Variants in FSD1L observed in about 807,000 individuals in gnomAD.
The protein encoded by FSD1L is fibronectin type III and SPRY domain containing 1 like, also known as FSD1-like protein.
FSD1L carries 45 observed loss-of-function variants against 71.6 expected under a neutral mutation model. That is an observed-to-expected ratio of 0.63 (90% confidence interval 0.49 to 0.81). FSD1L has a LOEUF of 0.81. Among genes scored for constraint, FSD1L ranks in the 30% least tolerant of loss-of-function variants. FSD1L has a pLI of 0.00. For missense variants in FSD1L, 561 were observed against 618.1 expected (o/e 0.91, Z 0.98); for synonymous variants, 197 against 207.2 (o/e 0.95, Z 0.42).
chr9:105,529,894 G>A (rs1211985605), intron 10 of FSD1L, among the ~76,000 whole-genome samples: 2 of 152,112 alleles, frequency 1.3e-5, no homozygotes, highest in Non-Finnish European at 1.5e-5. Flanking sequence ...TATTTAGGCC[G>A]GTTCTTGAGC....
At chr9:105,534,996 C>G in intron 11 of FSD1L, 71 bp from the exon 12 acceptor site, 1 of 1,457,166 alleles carries the variant, frequency 6.9e-7, no homozygotes, top group East Asian at 2.5e-5. Context: ...TTTTTTGGGA[C>G]GAGTGGTAGG....
intron 7 of FSD1L, among the ~76,000 whole-genome samples, chr9:105,494,771 A>G (rs541645218): frequency 3.3e-5 from 5 of 152,208 alleles, no homozygotes; most frequent in African/African-American, 1.2e-4. Context: ...TGCACTCCAG[A>G]CCCTGTTTGC....
rs1359003476 is a variant in FSD1L, at chr9:105,549,136, G to A, written c.*2653G>A. 1 of 151,800 alleles carries A rather than the reference G, an allele frequency of 6.6e-6. No homozygotes were observed. Among genetic ancestry groups the A allele is most frequent in the African/African-American group, 2.4e-5 (1 of 41,368 alleles). The allele number at this position is 151,800 out of a possible 1,614,324, so 9.4% of individuals were successfully genotyped here. A position where few individuals can be genotyped will look rare whatever the true frequency, so the allele number is the denominator to read the frequency against. ...TGCTTATTTAGTTTTTGTTTCTACA[G>A]GTCAAACATGATTGCTTTCTATAAA... On this transcript the variant is annotated 3_prime_UTR_variant, in exon 14 of 14. Transcript: ENST00000481272.
chr9:105,480,431 A>G (rs1832095566), intron 6 of FSD1L, among the ~76,000 whole-genome samples: 1 of 151,842 alleles, frequency 6.6e-6, no homozygotes, highest in Admixed American at 6.6e-5. Flanking sequence ...AGGTGGGACT[A>G]CAGGCATGTG....
chr9:105,513,349 A>G (rs574436174), intron 10 of FSD1L, among the ~76,000 whole-genome samples: 1 of 152,236 alleles, frequency 6.6e-6, no homozygotes, highest in East Asian at 1.9e-4. Flanking sequence ...AACACAATGA[A>G]CCTAAGAGGC....
intron 7 of FSD1L, among the ~76,000 whole-genome samples, chr9:105,503,310 T>C (rs951633474): frequency 2.6e-5 from 4 of 152,204 alleles, no homozygotes; most frequent in Admixed American, 1.3e-4. Context: ...TGAAGAAATA[T>C]CTATTAATTC....
At chr9:105,477,610 G>GGTA (rs1831891193) in intron 5 of FSD1L, among the ~76,000 whole-genome samples, 2 of 152,198 alleles carry the variant, frequency 1.3e-5, no homozygotes, top group Admixed American at 6.5e-5. Flanking sequence ...GAGTAATCCT[G>GGTA]GTAGTACTTG....
At chr9:105,454,156 C>T (rs1830222150) in intron 1 of FSD1L, among the ~76,000 whole-genome samples, 1 of 152,166 alleles carries the variant, frequency 6.6e-6, no homozygotes, top group African/African-American at 2.4e-5. Context: ...ACCTCTTCAA[C>T]ATTTATGTCA....
intron 5 of FSD1L, 85 bp downstream of exon 5, chr9:105,472,090 C>A (rs1235235589): frequency 3.0e-6 from 4 of 1,330,484 alleles, no homozygotes; most frequent in Non-Finnish European, 3.9e-6. Context: ...TTTTGGATTT[C>A]TTTACTGATT....
At chr9:105,545,784 C>T (rs1465031473) in intron 13 of FSD1L, among the ~76,000 whole-genome samples, 1 of 152,036 alleles carries the variant, frequency 6.6e-6, no homozygotes, top group African/African-American at 2.4e-5. Context: ...TTCACAAAGT[C>T]ATTCACATTT....
intron 10 of FSD1L, among the ~76,000 whole-genome samples, chr9:105,513,971 T>C (rs1326016112): frequency 6.6e-6 from 1 of 152,240 alleles, no homozygotes; most frequent in East Asian, 1.9e-4. Flanking sequence ...TCTAACATTA[T>C]AGCTTCGCTT....
At chr9:105,526,587 T>C (rs953598853) in intron 10 of FSD1L, among the ~76,000 whole-genome samples, 1 of 152,206 alleles carries the variant, frequency 6.6e-6, no homozygotes, top group Admixed American at 6.5e-5. Flanking sequence ...GAACATAGGG[T>C]TAACCCTTTC....
chr9:105,453,308 C>T (rs908718111), intron 1 of FSD1L, among the ~76,000 whole-genome samples: 5 of 151,740 alleles, frequency 3.3e-5, no homozygotes, highest in South Asian at 2.1e-4. Context: ...TCGCCTCCCT[C>T]GTAGCTGGGA....
At chr9:105,446,362 T>C (rs1363408308), upstream of FSD1L, among the ~76,000 whole-genome samples, 1 of 138,642 alleles carries the variant, frequency 7.2e-6, no homozygotes, top group Admixed American at 7.1e-5. Context: ...CTGAATCCAT[T>C]TGCCTTATTT....
At chr9:105,446,870 T>G (rs1829664804), upstream of FSD1L, among the ~76,000 whole-genome samples, 1 of 151,874 alleles carries the variant, frequency 6.6e-6, no homozygotes, top group Non-Finnish European at 1.5e-5. Context: ...ACTGTCTAAT[T>G]GAACTTTTGT....
rs939903488 is a variant in FSD1L, at chr9:105,548,052, G to A, written c.*1569G>A. 6.6e-6 allele frequency: 1 copy of A among 151,990 alleles called. No individual in the cohort carries two copies. The highest frequency in any genetic ancestry group is 6.6e-5 in the Admixed American group (1 of 15,254). The allele number at this position is 151,990 out of a possible 1,614,324, so 9.4% of individuals were successfully genotyped here. On this transcript the variant is annotated 3_prime_UTR_variant, in exon 14 of 14. Coordinates refer to ENST00000481272, the MANE Select transcript of FSD1L (RefSeq NM_001145313.3). ...TCCTTGATAAAACAAATGTAAATGAGGAATTTTATTTGAATTGGAATATTG... is the reference window on the plus strand; with the variant it reads ...TCCTTGATAAAACAAATGTAAATGAAGAATTTTATTTGAATTGGAATATTG...
chr9:105,445,864 G>C (rs1474097956), upstream of FSD1L, among the ~76,000 whole-genome samples: 1 of 152,134 alleles, frequency 6.6e-6, no homozygotes, highest in Non-Finnish European at 1.5e-5. Flanking sequence ...TAAGAGATGG[G>C]CATCTCTTTG....
intron 12 of FSD1L, 69 bp downstream of exon 12, chr9:105,535,387 A>C: frequency 6.9e-7 from 1 of 1,447,370 alleles, no homozygotes; most frequent in Non-Finnish European, 9.4e-7. Context: ...ACTGGTAATC[A>C]TCTATACAGG....
intron 13 of FSD1L, among the ~76,000 whole-genome samples, chr9:105,544,833 T>C (rs2131538811): frequency 6.6e-6 from 1 of 152,318 alleles, no homozygotes; most frequent in South Asian, 2.1e-4. Flanking sequence ...CCTGTAGCCT[T>C]GTAGTATAGT....
Sources: gnomAD v4.1 joint callset for allele counts (sites outside exome capture counted in the v4.1 genomes callset) on GRCh38, gnomAD v4.1.1 for gene constraint, MANE v1.5 for transcripts, NCBI Gene and HGNC (gene_info 2026-07-23, HGNC 2026-07-21) for gene names.